The following BMS1 variants were observed in gnomAD, a reference collection of about 807,000 sequenced individuals.
The protein encoded by BMS1 is BMS1 ribosome biogenesis factor, also known as ribosome biogenesis protein BMS1 homolog.
Under a neutral mutation model 138.7 loss-of-function variants are expected in BMS1, and 53 were observed. The ratio of observed to expected loss-of-function variants is 0.38; its 90% CI spans 0.31 to 0.48. The LOEUF (loss-of-function observed/expected upper bound fraction) is 0.48. BMS1 is among the 20% of genes least tolerant of loss of function. The pLI is 0.97. For synonymous variants in BMS1, 504 were observed against 539.9 expected, an observed-to-expected ratio of 0.93 and a Z score of 0.92; for missense variants, 1,360 against 1,565.5, an observed-to-expected ratio of 0.87 and a Z score of 2.22.
At chr10:42,801,624 A>G (rs539354980) in intron 12 of BMS1, among the ~76,000 whole-genome samples, 151 of 152,320 alleles carry the variant, frequency 9.9e-4, no homozygotes, top group Non-Finnish European at 1.8e-3. Context: ...TCATGTGCTT[A>G]TTGGCTATTT....
At chr10:42,813,270 A>G in intron 13 of BMS1, among the ~76,000 whole-genome samples, 1 of 152,174 alleles carries the variant, frequency 6.6e-6, no homozygotes, top group Non-Finnish European at 1.5e-5. Context: ...TGGTTTATTT[A>G]GACCATTTAC....
At chr10:42,807,940 T>C (rs1029861760) in intron 13 of BMS1, among the ~76,000 whole-genome samples, 13 of 152,344 alleles carry the variant, frequency 8.5e-5, no homozygotes, top group African/African-American at 2.9e-4. Context: ...CTTTACATCC[T>C]TGACAATGTG....
Position 42,783,139 on chromosome 10 carries a change from C to G in BMS1, c.-34+309C>G, listed in dbSNP as rs187977308. 1.3e-4 allele frequency among the ~76,000 whole-genome samples: 20 copies of G among 152,074 alleles called. No homozygotes were observed. The East Asian group carries it at 3.9e-3, about 29-fold the overall frequency. On this transcript the variant is annotated intron_variant, in intron 1 of 22. Coordinates refer to ENST00000374518, the MANE Select transcript of BMS1 (RefSeq NM_014753.4). ...TTGACCCCAAATTGTGCTTTTCCCA[C>G]CAAGAAGAAAGACAGGGAGAGAAAC...
intron 13 of BMS1, among the ~76,000 whole-genome samples, chr10:42,811,574 G>T (rs1209485980): frequency 8.1e-6 from 1 of 122,890 alleles, no homozygotes; most frequent in African/African-American, 3.3e-5. Context: ...GCCCAGGCTG[G>T]AGTGCAGTGG....
chr10:42,798,814 C>T (rs970048610), intron 12 of BMS1, among the ~76,000 whole-genome samples, 189 bp downstream of exon 12: 3 of 152,198 alleles, frequency 2.0e-5, no homozygotes, highest in African/African-American at 7.2e-5. Context: ...TTTAGTTAGA[C>T]CATGTACATG....
chr10:42,814,985 C>T (rs1842301492), intron 13 of BMS1, among the ~76,000 whole-genome samples: 1 of 152,156 alleles, frequency 6.6e-6, no homozygotes, highest in Admixed American at 6.5e-5. Flanking sequence ...AGACACCTGG[C>T]CACTATGCAT....
intron 19 of BMS1, among the ~76,000 whole-genome samples, chr10:42,822,740 CGT>C (rs1564430710): frequency 6.6e-6 from 1 of 152,120 alleles, no homozygotes; most frequent in African/African-American, 2.4e-5. Context: ...ATACCACCAG[CGT>C]TTATCTTACT....
In BMS1 at chr10:42,787,265, G is replaced by T. The variant is rs1337360685; in HGVS notation, c.447+18G>T. 2.2e-6 allele frequency: 2 copies of T among 907,308 alleles called. No homozygotes were observed. Among genetic ancestry groups the T allele is most frequent in the African/African-American group, 1.6e-5 (1 of 61,498 alleles). The allele number at this position is 907,308 out of a possible 1,614,324, so 56.2% of individuals were successfully genotyped here. A position where few individuals can be genotyped will look rare whatever the true frequency, so the allele number is the denominator to read the frequency against. On this transcript the variant is annotated intron_variant, in intron 4 of 22. Coordinates refer to ENST00000374518, the MANE Select transcript of BMS1 (RefSeq NM_014753.4). ...CAGATCTGGTAAGTGAGCAGGGGCA[G>T]CCTGGGGTGCTGATGGAGACTTACA...
At chr10:42,820,827 G>A in intron 17 of BMS1, 107 bp from the exon 18 acceptor site, 1 of 1,205,810 alleles carries the variant, frequency 8.3e-7, no homozygotes. Context: ...GTGGTTTGGA[G>A]TATATATGTA....
rs148810220 is a variant in BMS1, at chr10:42,790,391, A to C, written c.516A>C (p.Gln172His). ...CGTTTGAGTTTCTAAACATCTGTCAAGTACATGGCTTTCCTAAAATTATGG... is the reference window on the plus strand; with the variant it reads ...CGTTTGAGTTTCTAAACATCTGTCACGTACATGGCTTTCCTAAAATTATGG... ...METFEFLNIC[Q>H]VHGFPKIMGV... is the part of the protein sequence containing the mutation. Residue 172 changes from glutamine (Q) to histidine (H), a missense_variant, in exon 5 of 23, where the codon CAA (glutamine) becomes CAC (histidine). Physicochemically the swap from Gln to His is conservative, Grantham distance 24. This residue lies in a region of BMS1 where 238 missense variants were observed against 311.1 expected (regional missense o/e 0.77). Transcript: ENST00000374518. The C allele has an allele frequency of 1.5e-5, 24 of 1,613,828 alleles. No individual in the cohort carries two copies. The highest frequency in any genetic ancestry group is 2.0e-5 in the Non-Finnish European group (24 of 1,179,858).
intron 2 of BMS1, 33 bp downstream of exon 2, chr10:42,784,603 T>C: frequency 9.9e-6 from 14 of 1,417,648 alleles, no homozygotes; most frequent in South Asian, 1.3e-5. Flanking sequence ...CATTCTTCCA[T>C]TGATTCTTTT....
At chr10:42,827,873 AC>A (rs1842695007) in intron 21 of BMS1, among the ~76,000 whole-genome samples, 1 of 152,084 alleles carries the variant, frequency 6.6e-6, no homozygotes, top group African/African-American at 2.4e-5. Context: ...TCCCTCTTAA[AC>A]TTTTCACTGG....
chr10:42,824,336 T>G (rs1842582335), intron 21 of BMS1, among the ~76,000 whole-genome samples: 1 of 152,210 alleles, frequency 6.6e-6, no homozygotes, highest in South Asian at 2.1e-4. Context: ...ACTGGGTTGT[T>G]TTTCTGCTAT....
At chr10:42,803,592 G>A (rs989629288) in intron 13 of BMS1, among the ~76,000 whole-genome samples, 9 of 151,934 alleles carry the variant, frequency 5.9e-5, no homozygotes, top group African/African-American at 1.5e-4. Context: ...TATTAAAACC[G>A]TGTCTCAACA....
At chr10:42,783,893 G>A (rs1383305407) in intron 1 of BMS1, among the ~76,000 whole-genome samples, 3 of 152,158 alleles carry the variant, frequency 2.0e-5, no homozygotes, top group Non-Finnish European at 2.9e-5. Flanking sequence ...TTTAGTTTAA[G>A]TTAGGAAACC....
chr10:42,796,421 A>C, intron 9 of BMS1, 53 bp from the exon 10 acceptor site: 1 of 1,527,878 alleles, frequency 6.5e-7, no homozygotes, highest in Non-Finnish European at 8.9e-7. Context: ...CCATTTCTAG[A>C]TTAGCTGATT....
At position 42,830,411 on chromosome 10, in the gene BMS1, C is replaced by T. The variant is rs1223241062; in HGVS notation, c.3607C>T (p.His1203Tyr). 1 of 1,607,744 alleles carries T rather than the reference C, an allele frequency of 6.2e-7. No individual in the cohort carries two copies. Among genetic ancestry groups the T allele is most frequent in the South Asian group, 1.1e-5 (1 of 89,620 alleles). ...RRRPAVIREP[H>Y]ERKILALLDA... ...GAGACCGGCCGTCATACGCGAGCCT[C>T]ATGAAAGAAAGGTACTGTTGCCCAT... Residue 1203 changes from histidine to tyrosine, a missense_variant, in exon 22 of 23, where the codon CAT (histidine) becomes TAT (tyrosine). By Grantham distance (83) the His-to-Tyr change is moderately conservative (BLOSUM62 2). Coordinates refer to ENST00000374518, the MANE Select transcript of BMS1 (RefSeq NM_014753.4).
chr10:42,820,349 G>A lies in BMS1; in HGVS notation c.2694G>A (p.Val898=). 1.2e-6 allele frequency: 2 copies of A among 1,613,788 alleles called. No homozygotes were observed. Among genetic ancestry groups the A allele is most frequent in the South Asian group, 1.1e-5 (1 of 91,066 alleles). ...TTGAAAATGTTCCCTGTGAATTTGT[G>A]CAGAACTTTGACCCCCATTACCCCA... is the stretch of plus-strand genomic sequence containing the variant. ...IEIENVPCEF[V]QNFDPHYPII... Residue 898 remains valine, a synonymous_variant, in exon 16 of 23, where the codon GTG becomes GTA. Transcript: ENST00000374518.
intron 13 of BMS1, among the ~76,000 whole-genome samples, chr10:42,805,222 C>T (rs756032693): frequency 2.5e-4 from 38 of 151,924 alleles, no homozygotes; most frequent in Non-Finnish European, 5.4e-4. Context: ...TCTACTTTTC[C>T]CTGCACCATC....
Sources: allele counts gnomAD v4.1 joint callset (sites outside exome capture counted in the v4.1 genomes callset), GRCh38; gene constraint gnomAD v4.1.1; regional missense constraint gnomAD v4.1.1; transcripts MANE v1.5; gene names NCBI Gene and HGNC (gene_info 2026-07-23, HGNC 2026-07-21).